PARD3B: variants seen among roughly 807,000 people sequenced by gnomAD.
The protein encoded by PARD3B is partitioning defective 3 homolog B.
A neutral mutation model predicts 130.2 loss-of-function variants in PARD3B; 103 were observed. The ratio of observed to expected loss-of-function variants is 0.79; its 90% CI spans 0.67 to 0.93. The LOEUF is 0.93. PARD3B is among the 40% of genes least tolerant of loss of function. The pLI is 0.00. For missense variants in PARD3B, 1,609 were observed against 1,499.2 expected, an observed-to-expected ratio of 1.07 and a Z score of -1.21; for synonymous variants, 583 against 553.2, an observed-to-expected ratio of 1.05 and a Z score of -0.76.
chr2:205,480,445 A>T (rs2106286835), intron 20 of PARD3B, among the ~76,000 whole-genome samples: 1 of 152,240 alleles, frequency 6.6e-6, no homozygotes, highest in South Asian at 2.1e-4. Flanking sequence ...CCACGGCTTG[A>T]TATTTCTCTT....
At position 205,589,083 on chromosome 2, in the gene PARD3B, T is replaced by C. The variant is rs993933614; in HGVS notation, c.3261-26373T>C. Among the ~76,000 whole-genome samples the C allele has an allele frequency of 1.3e-5, 2 of 151,992 alleles. No homozygotes were observed. Among genetic ancestry groups the C allele is most frequent in the Non-Finnish European group, 2.9e-5 (2 of 67,994 alleles). ...CAGGTGGATCCTTTGAATCCAGGAGTTTCAGACCAGTCTGGGTAACATGGC... is the reference window on the plus strand; with the variant it reads ...CAGGTGGATCCTTTGAATCCAGGAGCTTCAGACCAGTCTGGGTAACATGGC... On this transcript the variant is annotated intron_variant, in intron 22 of 22. Coordinates refer to ENST00000406610, the MANE Select transcript of PARD3B (RefSeq NM_001302769.2). This position sits in a 1 kb window ranked among gnomAD's most constrained non-coding sequence, Gnocchi z 4.1.
rs1461468615 is a variant in PARD3B at position 204,689,346 on chromosome 2, C to T, written c.222+3064C>T. On this transcript the variant is annotated intron_variant, in intron 2 of 22. Coordinates refer to ENST00000406610, the MANE Select transcript of PARD3B (RefSeq NM_001302769.2). This position sits in a 1 kb window ranked among gnomAD's most constrained non-coding sequence, Gnocchi z 5.2. The stretch of plus-strand genomic sequence containing the variant: ...CGGGGACCAAGTCTCCACTGTGTTA[C>T]ACTACTTCTAGCCTATATGTGTCAA... Among the ~76,000 whole-genome samples, 2 of 152,120 alleles carry T rather than the reference C, an allele frequency of 1.3e-5. No individual in the cohort carries two copies. The highest frequency in any genetic ancestry group is 2.9e-5 in the Non-Finnish European group (2 of 68,008).
intron 2 of PARD3B, among the ~76,000 whole-genome samples, chr2:204,885,136 A>G (rs1312679055): frequency 6.6e-6 from 1 of 152,144 alleles, no homozygotes; most frequent in Non-Finnish European, 1.5e-5. Context: ...CCTTGCCAGC[A>G]TCTGTTGTTT....
chr2:204,934,330 A>T (rs1267947549), intron 2 of PARD3B, among the ~76,000 whole-genome samples: 1 of 152,212 alleles, frequency 6.6e-6, no homozygotes, highest in Non-Finnish European at 1.5e-5. Context: ...GAGGACATGT[A>T]GATTCATTTT....
intron 2 of PARD3B, among the ~76,000 whole-genome samples, chr2:204,847,055 C>A (rs1022557576): frequency 3.3e-5 from 5 of 151,944 alleles, no homozygotes; most frequent in Non-Finnish European, 7.4e-5. Context: ...AGTCATCACA[C>A]AGATTAAGGA....
intron 21 of PARD3B, among the ~76,000 whole-genome samples, chr2:205,542,591 T>C (rs2052205180): frequency 6.6e-6 from 1 of 152,174 alleles, no homozygotes; most frequent in Non-Finnish European, 1.5e-5. Flanking sequence ...GATTCCAGCA[T>C]GAATGGTAGG....
chr2:204,849,106 G>GA (rs376997884), intron 2 of PARD3B, among the ~76,000 whole-genome samples: 58 of 152,074 alleles, frequency 3.8e-4, no homozygotes, highest in African/African-American at 1.3e-3. Flanking sequence ...TTTTAGGGAA[G>GA]AAAAATGTCA....
chr2:204,880,657 CAAAAA>C (rs746023895), intron 2 of PARD3B, among the ~76,000 whole-genome samples: 4 of 55,466 alleles, frequency 7.2e-5, no homozygotes, highest in Admixed American at 2.1e-4. Flanking sequence ...GACTCCATCT[CAAAAA>C]AAAAAAAAAA....
chr2:205,022,003 A>G (rs1170402444), intron 3 of PARD3B, among the ~76,000 whole-genome samples: 1 of 152,168 alleles, frequency 6.6e-6, no homozygotes, highest in East Asian at 1.9e-4. Flanking sequence ...TTTTTCAAAC[A>G]AATTCAGTTT....
At chr2:205,490,538 A>G (rs2049660089) in intron 20 of PARD3B, among the ~76,000 whole-genome samples, 1 of 152,172 alleles carries the variant, frequency 6.6e-6, no homozygotes, top group Non-Finnish European at 1.5e-5. Context: ...CTTGGTTCCA[A>G]GTCTTTGCTA....
At chr2:204,563,124 G>C (rs1360961131) in intron 1 of PARD3B, among the ~76,000 whole-genome samples, 1 of 151,726 alleles carries the variant, frequency 6.6e-6, no homozygotes, top group Non-Finnish European at 1.5e-5. Flanking sequence ...ATTCTTTCTT[G>C]CTTCTTCCAG....
chr2:204,597,680 A>C lies in PARD3B; in HGVS notation c.120+51561A>C, dbSNP rs575494353. 2.0e-5 allele frequency among the ~76,000 whole-genome samples: 3 copies of C among 152,250 alleles called. No individual in the cohort carries two copies. The East Asian group carries it at 5.8e-4, about 29-fold the overall frequency. On this transcript the variant is annotated intron_variant, in intron 1 of 22. Transcript: ENST00000406610. ...AGAACTCAAGTCTTCTGTTATTAGC[A>C]TGTGTTGCTGTCCAGAGTAGAGCCT...
At chr2:204,682,436 T>C (rs773296496) in intron 1 of PARD3B, among the ~76,000 whole-genome samples, 59 of 152,160 alleles carry the variant, frequency 3.9e-4, no homozygotes, top group Admixed American at 2.0e-4. Flanking sequence ...ACATAGTACC[T>C]ATAGTACCTG....
chr2:205,021,117 C>T lies in PARD3B; in HGVS notation c.395-26464C>T, dbSNP rs1696564383. Among the ~76,000 whole-genome samples the T allele has an allele frequency of 6.6e-6, 1 of 152,082 alleles. No individual in the cohort carries two copies. The highest frequency in any genetic ancestry group is 1.5e-5 in the Non-Finnish European group (1 of 68,018). Reference sequence around the variant, plus strand: ...CAGTTCCTATGTACTACCTCCAAACCAGAAATTTCTAATACAGCAAATAAA... The same window carrying T: ...CAGTTCCTATGTACTACCTCCAAACTAGAAATTTCTAATACAGCAAATAAA... On this transcript the variant is annotated intron_variant, in intron 3 of 22. Transcript: ENST00000406610. This position sits in a 1 kb window ranked among gnomAD's most constrained non-coding sequence, Gnocchi z 4.5.
chr2:204,915,544 T>C (rs1437968104), intron 2 of PARD3B, among the ~76,000 whole-genome samples: 1 of 152,194 alleles, frequency 6.6e-6, no homozygotes, highest in East Asian at 1.9e-4. Context: ...TTCAGAGTTA[T>C]ATGTGACAAA....
At position 205,301,427 on chromosome 2, in the gene PARD3B, C is replaced by A; in HGVS notation, c.2393-37C>A. On this transcript the variant is annotated intron_variant, in intron 17 of 22. Transcript: ENST00000406610. This position sits in a 1 kb window ranked among gnomAD's most constrained non-coding sequence, Gnocchi z 5.2. ...TCTCTGTATACTAACTGAGTGTGCC[C>A]CTGACCATGGGTATTGATTATTTTT... The A allele has an allele frequency of 6.3e-7, 1 of 1,579,988 alleles. No individual in the cohort carries two copies. The highest frequency in any genetic ancestry group is 1.2e-5 in the South Asian group (1 of 85,224).
intron 3 of PARD3B, among the ~76,000 whole-genome samples, chr2:204,968,835 T>C (rs1367176494): frequency 6.6e-6 from 1 of 152,244 alleles, no homozygotes; most frequent in Non-Finnish European, 1.5e-5. Flanking sequence ...GGGTTCATAG[T>C]CTCATGCCCT....
Position 205,396,454 on chromosome 2 carries a change from T to C in PARD3B, c.2631-4559T>C, listed in dbSNP as rs539529293. Among the ~76,000 whole-genome samples, 3 of 152,346 alleles carry C rather than the reference T, an allele frequency of 2.0e-5. No homozygotes were observed. In the South Asian group the frequency reaches 6.2e-4, roughly 32 times the overall value. ...TAAGGAAAGAAGAAAGATTTTTCCA[T>C]GAATCTGTTTCATATGACCTCTATA... is the stretch of plus-strand genomic sequence containing the variant. On this transcript the variant is annotated intron_variant, in intron 18 of 22. Transcript: ENST00000406610.
intron 15 of PARD3B, among the ~76,000 whole-genome samples, chr2:205,239,143 A>T (rs955475565): frequency 4.9e-4 from 74 of 151,810 alleles, no homozygotes; most frequent in African/African-American, 1.8e-3. Context: ...CTCAGTAATT[A>T]AATCATACTC....
Sources: gnomAD v4.1 joint callset for allele counts (sites outside exome capture counted in the v4.1 genomes callset) on GRCh38, gnomAD v4.1.1 for gene constraint, Gnocchi (gnomAD v3.1) non-coding constraint, MANE v1.5 for transcripts, NCBI Gene and HGNC (gene_info 2026-07-23, HGNC 2026-07-21) for gene names.